IL18R1: variants seen among roughly 807,000 people sequenced by gnomAD.
IL18R1 encodes the protein interleukin 18 receptor 1, also known as interleukin-18 receptor 1.
A neutral mutation model predicts 48.5 loss-of-function variants in IL18R1; 40 were observed. That is an observed-to-expected ratio of 0.82 (90% CI 0.64 to 1.07). The LOEUF is 1.07. Among genes scored for constraint, IL18R1 ranks in the 50% least tolerant of loss-of-function variants. IL18R1 has a pLI of 0.00. For missense variants in IL18R1, 596 were observed against 633.7 expected (o/e 0.94, Z 0.64); for synonymous variants, 232 against 225.9 (o/e 1.03, Z -0.24).
At chr2:102,363,978 A>T (rs1342498243) in intron 2 of IL18R1, among the ~76,000 whole-genome samples, 2 of 152,172 alleles carry the variant, frequency 1.3e-5, no homozygotes, top group Non-Finnish European at 2.9e-5. Context: ...TATCCCATCA[A>T]GGACCATTTC....
chr2:102,371,691 G>A (rs139588662), intron 3 of IL18R1, among the ~76,000 whole-genome samples: 3 of 152,244 alleles, frequency 2.0e-5, no homozygotes, highest in African/African-American at 7.2e-5. Flanking sequence ...AGTAGGATAT[G>A]TGCGTGTGTG....
intron 5 of IL18R1, among the ~76,000 whole-genome samples, chr2:102,379,433 AGACTCG>A (rs2105087492): frequency 7.0e-6 from 1 of 143,800 alleles, no homozygotes; most frequent in South Asian, 2.2e-4. Flanking sequence ...TGACAGAGCA[AGACTCG>A]GTCTCAAAAA....
chr2:102,394,325 A>C (rs888981230), intron 9 of IL18R1, 144 bp from the exon 10 acceptor site: 1 of 524,780 alleles, frequency 1.9e-6, no homozygotes, highest in Non-Finnish European at 3.2e-6. Context: ...CTTGGTTAGC[A>C]TGGGAGGTTT....
intron 3 of IL18R1, among the ~76,000 whole-genome samples, chr2:102,369,186 G>GC (rs3836110): frequency 1.3e-4 from 19 of 151,916 alleles, no homozygotes; most frequent in East Asian, 7.8e-4. Context: ...AACAAACACC[G>GC]CCCCCCCCAC....
At chr2:102,361,524 T>G (rs889287955) in intron 1 of IL18R1, among the ~76,000 whole-genome samples, 3 of 152,220 alleles carry the variant, frequency 2.0e-5, no homozygotes, top group African/African-American at 7.2e-5. Flanking sequence ...GAAGCTGCCA[T>G]GCACTCAGGA....
At chr2:102,357,762 A>T (rs12105808) in intron 1 of IL18R1, among the ~76,000 whole-genome samples, 19,175 of 152,156 alleles carry the variant, frequency 0.13, 1,519 homozygotes, top group African/African-American at 0.21. Flanking sequence ...TTTGGGGGGA[A>T]GCATAAGGCT....
chr2:102,378,484 C>T (rs1679726120), intron 5 of IL18R1, among the ~76,000 whole-genome samples: 1 of 152,212 alleles, frequency 6.6e-6, no homozygotes, highest in Non-Finnish European at 1.5e-5. Context: ...TATTCTTCTC[C>T]CATAATTGTC....
At chr2:102,357,148 G>GT (rs1678297138) in intron 1 of IL18R1, among the ~76,000 whole-genome samples, 2 of 152,156 alleles carry the variant, frequency 1.3e-5, no homozygotes, top group Non-Finnish European at 2.9e-5. Context: ...TCTGGGGACA[G>GT]TGTTTTCCCT....
chr2:102,372,782 C>G (rs985074130), intron 4 of IL18R1, among the ~76,000 whole-genome samples: 22 of 152,104 alleles, frequency 1.4e-4, no homozygotes, highest in Admixed American at 1.4e-3. Context: ...TCTAACTAAT[C>G]CCATTGTTAT....
chr2:102,376,348 A>G (rs1456240549), intron 5 of IL18R1, among the ~76,000 whole-genome samples: 1 of 152,206 alleles, frequency 6.6e-6, no homozygotes, highest in Non-Finnish European at 1.5e-5. Context: ...TTGTTGTTGA[A>G]TTTACATTTT....
chr2:102,376,388 A>G (rs577390820), intron 5 of IL18R1, among the ~76,000 whole-genome samples: 2 of 152,244 alleles, frequency 1.3e-5, no homozygotes, highest in African/African-American at 2.4e-5. Flanking sequence ...GAAGATATCT[A>G]TACTCAATAA....
At chr2:102,364,410 C>T (rs559171117) in intron 2 of IL18R1, among the ~76,000 whole-genome samples, 1 of 152,220 alleles carries the variant, frequency 6.6e-6, no homozygotes, top group South Asian at 2.1e-4. Context: ...TCAAAATAAC[C>T]CAGACATAAA....
rs758677366 is a variant in IL18R1 at position 102,390,073 on chromosome 2, C to T, written c.967C>T (p.Pro323Ser). ...LVRKADMADIPGHVFTRGMII... is the reference protein window; with the variant it reads ...LVRKADMADISGHVFTRGMII... ...TTTTCTAGCAGACATGGCTGATATC[C>T]CAGGCCACGTCTTCACAAGAGGAAT... Residue 323 changes from proline (P) to serine (S), a missense_variant, in exon 9 of 11, where the codon CCA becomes TCA. Around this residue, in one of 3 missense-constraint regions of IL18R1, gnomAD observed 57 missense variants for 88.2 expected, o/e 0.65. Coordinates refer to ENST00000233957, the MANE Select transcript of IL18R1 (RefSeq NM_003855.5). 70 of 1,613,758 alleles carry T rather than the reference C, an allele frequency of 4.3e-5. No homozygotes were observed. The highest frequency in any genetic ancestry group is 1.7e-4 in the Middle Eastern group (1 of 6,060).
At chr2:102,361,791 GGT>G (rs1678589442) in intron 1 of IL18R1, among the ~76,000 whole-genome samples, 2 of 152,126 alleles carry the variant, frequency 1.3e-5, no homozygotes, top group African/African-American at 4.8e-5. Context: ...GACTCTGAAT[GGT>G]CTCCACTGTG....
intron 10 of IL18R1, among the ~76,000 whole-genome samples, chr2:102,395,753 C>T (rs1419177438): frequency 6.6e-6 from 1 of 152,178 alleles, no homozygotes; most frequent in Non-Finnish European, 1.5e-5. Flanking sequence ...GAATATTCAG[C>T]TGTAATTAGG....
chr2:102,377,837 A>G (rs551790986), intron 5 of IL18R1, among the ~76,000 whole-genome samples: 6 of 152,252 alleles, frequency 3.9e-5, no homozygotes, highest in Non-Finnish European at 8.8e-5. Flanking sequence ...CCTTAATTTA[A>G]TCACACCTAG....
intron 6 of IL18R1, among the ~76,000 whole-genome samples, chr2:102,382,670 G>A (rs1273795056): frequency 2.0e-5 from 3 of 152,096 alleles, no homozygotes; most frequent in East Asian, 1.9e-4. Flanking sequence ...CTAAAAAGTG[G>A]CAAGTCTCTG....
At position 102,379,851 on chromosome 2, in the gene IL18R1, C is replaced by T. The variant is rs552927960; in HGVS notation, c.626-1769C>T. On this transcript the variant is annotated intron_variant, in intron 5 of 10. Coordinates refer to ENST00000233957, the MANE Select transcript of IL18R1 (RefSeq NM_003855.5). ...GGAAGAGGGAGTCTGGTTTCTGTGACTTGCTTTGGGGAGAATGGAGGCATG... is the reference window on the plus strand; with the variant it reads ...GGAAGAGGGAGTCTGGTTTCTGTGATTTGCTTTGGGGAGAATGGAGGCATG... 5.7e-4 allele frequency among the ~76,000 whole-genome samples: 87 copies of T among 152,270 alleles called. 1 individual carries two copies. The highest frequency in any genetic ancestry group is 2.3e-3 in the South Asian group (11 of 4,826).
rs371796705 is a variant in IL18R1, at chr2:102,376,035, C to T, written c.597C>T (p.Thr199=). The part of the protein sequence containing the change: ...LHHNGKLFNI[T]KTFNITIVED... Reference sequence around the variant, plus strand: ...ATAATGGAAAACTATTTAATATCACCAAAACCTTCAATATAACAATAGTGG... The same window carrying T: ...ATAATGGAAAACTATTTAATATCACTAAAACCTTCAATATAACAATAGTGG... Residue 199 remains threonine, a synonymous_variant, in exon 5 of 11, where the codon ACC becomes ACT. Coordinates refer to ENST00000233957, the MANE Select transcript of IL18R1 (RefSeq NM_003855.5). 8 of 1,597,452 alleles carry T rather than the reference C, an allele frequency of 5.0e-6. No homozygotes were observed. The highest frequency in any genetic ancestry group is 1.4e-5 in the African/African-American group (1 of 74,020).
Sources: gnomAD v4.1 joint callset for allele counts (sites outside exome capture counted in the v4.1 genomes callset) on GRCh38, gnomAD v4.1.1 for gene constraint, gnomAD v4.1.1 regional missense constraint, MANE v1.5 for transcripts, NCBI Gene and HGNC (gene_info 2026-07-23, HGNC 2026-07-21) for gene names.